The following PTPRZ1 variants were observed in gnomAD, a reference collection of about 807,000 sequenced individuals.
PTPRZ1 encodes the protein protein tyrosine phosphatase receptor type Z1.
In PTPRZ1, 82 loss-of-function variants were observed where a neutral mutation model predicts 214.1. The ratio of observed to expected loss-of-function variants is 0.38; its 90% CI spans 0.32 to 0.46. PTPRZ1 has a LOEUF of 0.46. Ranked by LOEUF, PTPRZ1 falls within the 20% of genes least tolerant of loss-of-function variation. PTPRZ1 has a pLI of 1.00. For missense variants in PTPRZ1, 2,603 were observed against 2,748.7 expected (o/e 0.95, Z 1.19); for synonymous variants, 945 against 987.9 (o/e 0.96, Z 0.81).
In PTPRZ1 at chr7:122,053,897, T is replaced by C. The variant is rs1181983950; in HGVS notation, c.6253-13T>C. The C allele has an allele frequency of 6.2e-7, 1 of 1,611,982 alleles. No individual in the cohort carries two copies. Among genetic ancestry groups the C allele is most frequent in the Non-Finnish European group, 8.5e-7 (1 of 1,178,774 alleles). The stretch of plus-strand genomic sequence containing the variant: ...ACGCCAGTGCTGTTTTTGTCTTCTC[T>C]TTGGTTTTGTAGGGCTATTACCAGA... On this transcript the variant is annotated splice_polypyrimidine_tract_variant and intron_variant, in intron 25 of 29. Transcript: ENST00000393386.
At chr7:121,899,676 C>A (rs1018537751) in intron 1 of PTPRZ1, among the ~76,000 whole-genome samples, 3 of 152,204 alleles carry the variant, frequency 2.0e-5, no homozygotes, top group African/African-American at 2.4e-5. Flanking sequence ...GGGAAAGGAC[C>A]AGATCTGATT....
chr7:122,011,725 T>C lies in PTPRZ1; in HGVS notation c.2679T>C (p.Gly893=). ...THAASETLEF[G]SESGVLYKTL... is the part of the protein sequence containing the mutation. ...CTGCTTCAGAGACGCTGGAATTTGG[T>C]AGTGAATCTGGTGTTCTTTATAAAA... The change falls in exon 12 of 30, where the codon GGT becomes GGC. Residue 893 remains glycine, a synonymous_variant. Coordinates refer to ENST00000393386, the MANE Select transcript of PTPRZ1 (RefSeq NM_002851.3). The C allele has an allele frequency of 6.2e-7, 1 of 1,614,180 alleles. No individual in the cohort carries two copies. Among genetic ancestry groups the C allele is most frequent in the South Asian group, 1.1e-5 (1 of 91,086 alleles).
intron 29 of PTPRZ1, 21 bp downstream of exon 29, chr7:122,059,909 C>A: frequency 6.2e-7 from 1 of 1,601,148 alleles, no homozygotes; most frequent in South Asian, 1.1e-5. Flanking sequence ...AGGCAGTGAA[C>A]GAAATTTTTC....
intron 8 of PTPRZ1, among the ~76,000 whole-genome samples, chr7:121,987,909 T>C (rs1797811104): frequency 6.6e-6 from 1 of 152,190 alleles, no homozygotes; most frequent in South Asian, 2.1e-4. Flanking sequence ...CTAAGTGAAC[T>C]AATGCAGGGA....
rs753663326 is a variant in PTPRZ1 at position 122,040,799 on chromosome 7, T to C, written c.5638-17T>C. The C allele has an allele frequency of 1.3e-6, 2 of 1,515,506 alleles. No individual in the cohort carries two copies. The highest frequency in any genetic ancestry group is 1.9e-5 in the Admixed American group (1 of 53,534). 93.9% of individuals were successfully genotyped at this position (1,515,506 alleles called of 1,614,324 possible). ...GTGTGTGTGTTTGACTGTTATTAACTGTCTGAACTTTTCCAGGGCTCCCAG... is the reference window on the plus strand; with the variant it reads ...GTGTGTGTGTTTGACTGTTATTAACCGTCTGAACTTTTCCAGGGCTCCCAG... On this transcript the variant is annotated splice_polypyrimidine_tract_variant and intron_variant, in intron 20 of 29. Coordinates refer to ENST00000393386, the MANE Select transcript of PTPRZ1 (RefSeq NM_002851.3).
At chr7:121,913,515 T>C (rs1321861984) in intron 1 of PTPRZ1, among the ~76,000 whole-genome samples, 1 of 152,232 alleles carries the variant, frequency 6.6e-6, no homozygotes. Flanking sequence ...ATCTGGATGT[T>C]TTATTAATTT....
In PTPRZ1 at chr7:122,013,817, C is replaced by T. The variant is rs1193252406; in HGVS notation, c.4771C>T (p.Pro1591Ser). The T allele has an allele frequency of 2.5e-6, 4 of 1,613,978 alleles. No individual in the cohort carries two copies. The highest frequency in any genetic ancestry group is 1.3e-5 in the African/African-American group (1 of 74,916). The change falls in exon 12 of 30, where the codon CCT (proline) becomes TCT (serine). Residue 1591 changes from proline to serine, a missense_variant. By Grantham distance (74) the Pro-to-Ser change is moderately conservative (BLOSUM62 -1). Coordinates refer to ENST00000393386, the MANE Select transcript of PTPRZ1 (RefSeq NM_002851.3). ...GGCAGCAGGTGACTCAGAAATAACT[C>T]CTGGATTCCCACAGTCCCCAACATC... ...ILAAGDSEIT[P>S]GFPQSPTSSV...
intron 2 of PTPRZ1, among the ~76,000 whole-genome samples, chr7:121,965,488 C>T (rs1326186605): frequency 6.6e-6 from 1 of 152,184 alleles, no homozygotes; most frequent in East Asian, 1.9e-4. Flanking sequence ...AGCTCACAAC[C>T]TGGTAGGTCA....
At chr7:121,932,814 G>T (rs961046413) in intron 2 of PTPRZ1, among the ~76,000 whole-genome samples, 1 of 152,178 alleles carries the variant, frequency 6.6e-6, no homozygotes, top group Non-Finnish European at 1.5e-5. Flanking sequence ...CCAGATGGGT[G>T]GAGAAAGGGA....
At position 121,943,774 on chromosome 7, in the gene PTPRZ1, T is replaced by A. The variant is rs555594900; in HGVS notation, c.124+15553T>A. On this transcript the variant is annotated intron_variant, in intron 2 of 29. Transcript: ENST00000393386. ...GTAAATCTGAGATAGAAGCCACAAA[T>A]TTAATGTCTAACAAATTCTCAGGTG... 2.6e-5 allele frequency among the ~76,000 whole-genome samples: 4 copies of A among 152,316 alleles called. No homozygotes were observed. The South Asian group carries it at 8.3e-4, about 32-fold the overall frequency.
At chr7:121,980,490 A>G (rs1196325010) in intron 6 of PTPRZ1, among the ~76,000 whole-genome samples, 1 of 152,252 alleles carries the variant, frequency 6.6e-6, no homozygotes, top group Non-Finnish European at 1.5e-5. Flanking sequence ...ACATACTTTT[A>G]GAAGTTACTA....
intron 1 of PTPRZ1, among the ~76,000 whole-genome samples, chr7:121,903,804 C>T (rs933829279): frequency 6.6e-6 from 1 of 152,120 alleles, no homozygotes. Context: ...TATTGTTGCT[C>T]ATTTTTTGGT....
chr7:121,880,271 G>A (rs1251679273), intron 1 of PTPRZ1, among the ~76,000 whole-genome samples: 1 of 152,154 alleles, frequency 6.6e-6, no homozygotes, highest in East Asian at 1.9e-4. Flanking sequence ...CATGCTAACA[G>A]GGGATAGTTT....
At chr7:121,990,512 CTTTTTTTTTTT>C (rs758696565) in intron 8 of PTPRZ1, among the ~76,000 whole-genome samples, 12 of 73,472 alleles carry the variant, frequency 1.6e-4, no homozygotes, top group South Asian at 6.1e-4. Context: ...TGAAAACTGT[CTTTTTTTTTTT>C]TTTTTTTTTT....
intron 29 of PTPRZ1, 76 bp downstream of exon 29, chr7:122,059,964 T>C (rs1310953847): frequency 7.0e-7 from 1 of 1,419,856 alleles, no homozygotes; most frequent in Non-Finnish European, 9.5e-7. Flanking sequence ...TGAAATCTTA[T>C]GTATCAAGAA....
intron 27 of PTPRZ1, among the ~76,000 whole-genome samples, chr7:122,056,942 A>T (rs542095468): frequency 6.6e-6 from 1 of 152,072 alleles, no homozygotes; most frequent in East Asian, 1.9e-4. Context: ...AGATTTATCT[A>T]TGTATTTGGG....
rs534200660 is a variant in PTPRZ1 at position 122,013,441 on chromosome 7, T to C, written c.4395T>C (p.Ser1465=). ...ATGATTCAGACACCCACGAAAACAG[T>C]CTTATGGATCAGAATAATCCAATCT... ...VMNDSDTHEN[S]LMDQNNPISY... Residue 1465 remains serine, a synonymous_variant, in exon 12 of 30, where the codon AGT becomes AGC. Coordinates refer to ENST00000393386, the MANE Select transcript of PTPRZ1 (RefSeq NM_002851.3). 6.4e-5 allele frequency: 103 copies of C among 1,614,120 alleles called. No homozygotes were observed. In the South Asian group the frequency reaches 1.0e-3, roughly 16 times the overall value.
At chr7:121,912,714 G>A (rs1479103569) in intron 1 of PTPRZ1, among the ~76,000 whole-genome samples, 2 of 152,068 alleles carry the variant, frequency 1.3e-5, no homozygotes, top group African/African-American at 4.8e-5. Context: ...AAAGAGTGGT[G>A]GCATCTGTCT....
chr7:121,884,775 T>G (rs185569029), intron 1 of PTPRZ1, among the ~76,000 whole-genome samples: 1 of 152,324 alleles, frequency 6.6e-6, no homozygotes, highest in African/African-American at 2.4e-5. Flanking sequence ...GAAAAGAGAA[T>G]AATAATGTAA....
Sources: gnomAD v4.1 joint callset for allele counts (sites outside exome capture counted in the v4.1 genomes callset) on GRCh38, gnomAD v4.1.1 for gene constraint, MANE v1.5 for transcripts, NCBI Gene and HGNC (gene_info 2026-07-23, HGNC 2026-07-21) for gene names.